The following PRAMEF14 variants were observed in gnomAD, a reference collection of about 807,000 sequenced individuals.
PRAMEF14 encodes the protein PRAME family member 14.
Under a neutral mutation model 38.3 loss-of-function variants are expected in PRAMEF14, and 24 were observed. The observed-to-expected ratio is 0.63, with a 90% CI of 0.45 to 0.88. PRAMEF14 has a LOEUF of 0.88. Ranked by LOEUF, PRAMEF14 falls within the 40% of genes least tolerant of loss-of-function variation. The pLI is 0.00. For missense variants in PRAMEF14, 477 were observed against 570.8 expected (o/e 0.84, Z 1.67); for synonymous variants, 194 against 226.4 (o/e 0.86, Z 1.29).
At position 13,344,523 on chromosome 1, in the gene PRAMEF14, C is replaced by G; in HGVS notation, c.381G>C (p.Glu127Asp). 6.2e-7 allele frequency: 1 copy of G among 1,607,388 alleles called. No homozygotes were observed. Among genetic ancestry groups the G allele is most frequent in the Non-Finnish European group, 8.5e-7 (1 of 1,178,896 alleles). ...PGAWALSCFP[E>D]TMSKRQTAED... ...CTGCTGTCTGCCTCTTACTCATGGT[C>G]TCTGGGAAGCAGGACAGGGCCCAGG... is the stretch of plus-strand genomic sequence containing the variant. The change falls in exon 3 of 4, where the codon GAG (glutamate) becomes GAC (aspartate). Residue 127 changes from glutamate to aspartate, a missense_variant. Glu to Asp is a conservative substitution (Grantham distance 45). Coordinates refer to ENST00000334600, the MANE Select transcript of PRAMEF14 (RefSeq NM_001024661.2).
chr1:13,344,023 A>T lies in PRAMEF14; in HGVS notation c.866+15T>A. 6.2e-7 allele frequency: 1 copy of T among 1,607,814 alleles called. No homozygotes were observed. The highest frequency in any genetic ancestry group is 8.5e-7 in the Non-Finnish European group (1 of 1,178,300). On this transcript the variant is annotated intron_variant, in intron 3 of 3. Coordinates refer to ENST00000334600, the MANE Select transcript of PRAMEF14 (RefSeq NM_001024661.2). ...ATGCTGTGGTCTGCATATAAAGTGC[A>T]TGATCCTTCCTCACCTGATCAGCTG... is the stretch of plus-strand genomic sequence containing the variant.
At position 13,344,940 on chromosome 1, in the gene PRAMEF14, C is replaced by T. The variant is rs1306407481; in HGVS notation, c.287+88G>A. 1.8e-5 allele frequency: 27 copies of T among 1,541,934 alleles called. 1 individual carries two copies. Among genetic ancestry groups the T allele is most frequent in the Non-Finnish European group, 2.2e-5 (25 of 1,129,452 alleles). ...GCCAACACCATCAGAAGACTCTGGG[C>T]CACACTTGGGCTACTTCTCTGCCTG... On this transcript the variant is annotated intron_variant, in intron 2 of 3. Transcript: ENST00000334600.
chr1:13,342,968 A>G lies in PRAMEF14; in HGVS notation c.985T>C (p.Tyr329His), dbSNP rs1224044553. 1.9e-6 allele frequency: 3 copies of G among 1,609,212 alleles called. No homozygotes were observed. In the Admixed American group the frequency reaches 5.0e-5, roughly 27 times the overall value. Residue 329 changes from tyrosine (Y) to histidine (H), a missense_variant, in exon 4 of 4, where the codon TAC (tyrosine) becomes CAC (histidine). Physicochemically the swap from Tyr to His is moderately conservative, Grantham distance 83 (BLOSUM62 2). This residue lies in a region of PRAMEF14 where 34 missense variants were observed against 66.1 expected (regional missense o/e 0.51). Transcript: ENST00000334600. ...AGACTGATGCGGAACAGCAGCACGT[A>G]GCTGAGATTCAGATGCTTTAGGTAA... The part of the protein sequence containing the change: ...LGYLKHLNLS[Y>H]VLLFRISLEP...
chr1:13,343,990 A>G, intron 3 of PRAMEF14, 48 bp downstream of exon 3: 1 of 1,604,132 alleles, frequency 6.2e-7, no homozygotes, highest in Non-Finnish European at 8.5e-7. Context: ...CTGTAACAGA[A>G]CAAGGCTATG....
chr1:13,346,671 G>C (rs1336238288), intron 1 of PRAMEF14, among the ~76,000 whole-genome samples: 33 of 148,448 alleles, frequency 2.2e-4, no homozygotes, highest in African/African-American at 6.1e-4. Flanking sequence ...CTTGAGATTG[G>C]TGTGTGGGAT....
chr1:13,346,720 G>A (rs1415751081), intron 1 of PRAMEF14, among the ~76,000 whole-genome samples: 1 of 148,426 alleles, frequency 6.7e-6, no homozygotes, highest in African/African-American at 2.5e-5. Flanking sequence ...CATACTTGGA[G>A]AATCACAATA....
At chr1:13,343,720 A>G in intron 3 of PRAMEF14, 12 of 1,342,682 alleles carry the variant, frequency 8.9e-6, no homozygotes, top group Non-Finnish European at 1.2e-5. Context: ...CTTTGACATC[A>G]TATCAACTTG....
chr1:13,343,236 C>A lies in PRAMEF14; in HGVS notation c.867-150G>T, dbSNP rs1326318228. The A allele has an allele frequency of 1.5e-5, 11 of 715,108 alleles. No homozygotes were observed. The African/African-American group carries it at 1.8e-4, about 12-fold the overall frequency. The allele number at this position is 715,108 out of a possible 1,614,324, so 44.3% of individuals were successfully genotyped here. ...ATGGAAGTTGCTGCATGATGAGGAC[C>A]CTGATCGTTCAGGGGCTGTCCCATT... is the stretch of plus-strand genomic sequence containing the variant. On this transcript the variant is annotated intron_variant, in intron 3 of 3. Transcript: ENST00000334600.
Position 13,344,367 on chromosome 1 carries a change from G to A in PRAMEF14, c.537C>T (p.His179=), listed in dbSNP as rs1640373671. ...QWVYQRRGLV[H]LCCSKLVNYL... ...AATTGACCAGCTTACTACAGCACAG[G>A]TGTACTAAACCTCTCCTTTGGTAAA... The change falls in exon 3 of 4, where the codon CAC becomes CAT. Residue 179 remains histidine (H), a synonymous_variant. Transcript: ENST00000334600. 1.6e-5 allele frequency: 25 copies of A among 1,606,582 alleles called. 1 individual carries two copies. The highest frequency in any genetic ancestry group is 2.0e-5 in the Non-Finnish European group (24 of 1,177,810).
At chr1:13,343,507 T>C in intron 3 of PRAMEF14, 5 of 1,218,254 alleles carry the variant, frequency 4.1e-6, no homozygotes, top group Admixed American at 2.3e-5. Flanking sequence ...TTTACCACTC[T>C]CACGCCTACT....
rs1640384885 is a variant in PRAMEF14, at chr1:13,345,170, AG to A, written c.144del (p.Phe49SerfsTer4). On this transcript the variant is annotated frameshift_variant, in exon 2 of 4. Coordinates refer to ENST00000334600, the MANE Select transcript of PRAMEF14 (RefSeq NM_001024661.2). LOFTEE classifies it high-confidence loss of function. ...TGCACCATCACCGTCAGAGTCTGGAAGTGTCTCCTGCGGAAGGCCTCCATGA... is the reference window on the plus strand; with the variant it reads ...TGCACCATCACCGTCAGAGTCTGGAATGTCTCCTGCGGAAGGCCTCCATGA... ...PLFMEAFRRR[H>X]FQTLTVMVQA... 1 of 1,604,356 alleles carries A rather than the reference AG, an allele frequency of 6.2e-7. No homozygotes were observed. Among genetic ancestry groups the A allele is most frequent in the Non-Finnish European group, 8.5e-7 (1 of 1,176,874 alleles).
At chr1:13,343,719 C>T (rs1330805733) in intron 3 of PRAMEF14, 2 of 1,342,796 alleles carry the variant, frequency 1.5e-6, no homozygotes, top group Non-Finnish European at 2.0e-6. Flanking sequence ...TCTTTGACAT[C>T]ATATCAACTT....
chr1:13,342,383 T>A lies in PRAMEF14; in HGVS notation c.*145A>T, dbSNP rs1187508113. 7.6e-7 allele frequency: 1 copy of A among 1,323,256 alleles called. No homozygotes were observed. The highest frequency in any genetic ancestry group is 1.0e-6 in the Non-Finnish European group (1 of 992,252). 82.0% of individuals were successfully genotyped at this position (1,323,256 alleles called of 1,614,324 possible). On this transcript the variant is annotated 3_prime_UTR_variant, in exon 4 of 4. Transcript: ENST00000334600. ...CAACACAGAGAAACCCTGTCTCAAA[T>A]TGTCTTTAATAAAAATTTTGGAATT...
intron 1 of PRAMEF14, among the ~76,000 whole-genome samples, chr1:13,345,717 A>G (rs1462570367): frequency 2.7e-3 from 401 of 147,662 alleles, no homozygotes; most frequent in South Asian, 5.8e-3. Flanking sequence ...TTTCTACCAG[A>G]AATGGACCAG....
intron 3 of PRAMEF14, among the ~76,000 whole-genome samples, chr1:13,343,314 T>C (rs1263692126): frequency 6.7e-6 from 1 of 148,770 alleles, no homozygotes; most frequent in Non-Finnish European, 1.5e-5. Flanking sequence ...GGCCATAAAA[T>C]CTCTAAAGCC....
At position 13,344,590 on chromosome 1, in the gene PRAMEF14, A is replaced by T; in HGVS notation, c.314T>A (p.Leu105Ter). The T allele has an allele frequency of 1.9e-6, 3 of 1,604,146 alleles. No homozygotes were observed. The highest frequency in any genetic ancestry group is 2.5e-6 in the Non-Finnish European group (3 of 1,176,964). Reference sequence around the variant, plus strand: ...CCAGAAATTCTCATCAACATCCCGCAAATCCAGCACTTGAAGTTTCCACCT... The same window carrying T: ...CCAGAAATTCTCATCAACATCCCGCTAATCCAGCACTTGAAGTTTCCACCT... ...PRRWKLQVLD[L>*]RDVDENFWAR... Residue 105 changes from leucine to a stop codon, truncating the protein, a stop_gained, in exon 3 of 4, where the codon TTG becomes TAG. Transcript: ENST00000334600. LOFTEE classifies it high-confidence loss of function.
Position 13,342,537 on chromosome 1 carries a change from A to G in PRAMEF14, c.1416T>C (p.Leu472=). ...GCTAGGCACGCCTTCCCTAGCAGCA[A>G]AGATGGAGCTCCAGTTCCTCAGACG... ...SSPSEELELH[L]CC Residue 472 remains leucine, a synonymous_variant, in exon 4 of 4, where the codon CTT becomes CTC. Transcript: ENST00000334600. The G allele has an allele frequency of 1.2e-6, 2 of 1,604,862 alleles. No homozygotes were observed. Among genetic ancestry groups the G allele is most frequent in the Non-Finnish European group, 1.7e-6 (2 of 1,177,170 alleles).
chr1:13,344,837 C>T (rs1358791747), intron 2 of PRAMEF14, among the ~76,000 whole-genome samples, 191 bp downstream of exon 2: 1 of 150,476 alleles, frequency 6.6e-6, no homozygotes, highest in Non-Finnish European at 1.5e-5. Context: ...GGTTTCTGTT[C>T]CCACAGTGGA....
chr1:13,343,945 C>A, intron 3 of PRAMEF14, 93 bp downstream of exon 3: 1 of 1,573,316 alleles, frequency 6.4e-7, no homozygotes, highest in Non-Finnish European at 8.7e-7. Flanking sequence ...GACGTTGCCA[C>A]TGGCTGGCAC....
Sources: gnomAD v4.1 joint callset for allele counts (sites outside exome capture counted in the v4.1 genomes callset) on GRCh38, gnomAD v4.1.1 for gene constraint, gnomAD v4.1.1 regional missense constraint, MANE v1.5 for transcripts, NCBI Gene and HGNC (gene_info 2026-07-23, HGNC 2026-07-21) for gene names.